MGRN1: variants seen among roughly 807,000 people sequenced by gnomAD.
The protein encoded by MGRN1 is E3 ubiquitin-protein ligase MGRN1.
Under a neutral mutation model 69.2 loss-of-function variants are expected in MGRN1, and 29 were observed. The ratio of observed to expected loss-of-function variants is 0.42; its 90% CI spans 0.31 to 0.57. MGRN1 has a LOEUF of 0.57. MGRN1 is among the 20% of genes least tolerant of loss of function. The pLI is 0.15. For missense variants in MGRN1, 998 were observed against 796.2 expected (o/e 1.25, Z -3.05); for synonymous variants, 470 against 344.2 (o/e 1.37, Z -4.04).
chr16:4,667,115 C>T (rs1184138322), intron 7 of MGRN1, among the ~76,000 whole-genome samples: 1 of 152,230 alleles, frequency 6.6e-6, no homozygotes, highest in Admixed American at 6.5e-5. Context: ...TGTGACAAGG[C>T]CCAGCCTGCC....
At chr16:4,679,722 C>T (rs1360094438) in intron 11 of MGRN1, among the ~76,000 whole-genome samples, 1 of 152,234 alleles carries the variant, frequency 6.6e-6, no homozygotes, top group African/African-American at 2.4e-5. Context: ...GCTGCCCTCA[C>T]GTCCACCTTG....
chr16:4,683,045 GC>G, intron 14 of MGRN1, 99 bp downstream of exon 14: 3 of 1,465,510 alleles, frequency 2.0e-6, no homozygotes, highest in Non-Finnish European at 2.7e-6. Context: ...CCGCCTGGGC[GC>G]CCCCGTGCTT....
At chr16:4,643,783 T>C (rs947940525) in intron 1 of MGRN1, among the ~76,000 whole-genome samples, 3 of 152,214 alleles carry the variant, frequency 2.0e-5, no homozygotes, top group African/African-American at 7.2e-5. Flanking sequence ...GTGTTTTGAA[T>C]GGCCATTACT....
At chr16:4,675,033 C>T (rs991597336) in intron 10 of MGRN1, among the ~76,000 whole-genome samples, 3 of 152,130 alleles carry the variant, frequency 2.0e-5, no homozygotes, top group Non-Finnish European at 4.4e-5. Flanking sequence ...AGTACAGTGG[C>T]AGGATCTTGG....
rs550356167 is a variant in MGRN1 at position 4,672,991 on chromosome 16, A to G, written c.796-507A>G. Among the ~76,000 whole-genome samples, 46 of 152,156 alleles carry G rather than the reference A, an allele frequency of 3.0e-4. No homozygotes were observed. In the East Asian group the frequency reaches 7.9e-3, roughly 26 times the overall value. ...GTAGCTGGAACTACAAGCACGTGCC[A>G]CCATGCCCGGCTAATTTTTTGTATT... On this transcript the variant is annotated intron_variant, in intron 9 of 16. Transcript: ENST00000262370.
intron 2 of MGRN1, among the ~76,000 whole-genome samples, chr16:4,651,518 G>A (rs938453004): frequency 3.5e-4 from 54 of 152,190 alleles, no homozygotes; most frequent in African/African-American, 1.3e-3. Context: ...AGAGGTGAGA[G>A]GGTGCAGGCC....
In MGRN1 at chr16:4,688,891, G is replaced by T. The variant is rs377648507; in HGVS notation, c.1714G>T (p.Glu572Ter). 20 of 1,548,952 alleles carry T rather than the reference G, an allele frequency of 1.3e-5. No homozygotes were observed. Among genetic ancestry groups the T allele is most frequent in the Non-Finnish European group, 1.7e-5 (20 of 1,145,296 alleles). ...GGPSPDPSAA[E>*]LTPL ...CCCCAGCCCCGATCCCAGCGCCGCC[G>T]AGCTGACCCCACTCTGAGAGCCTGG... Residue 572 changes from glutamate (E) to a stop codon, truncating the protein, a stop_gained, in exon 17 of 17, where the codon GAG becomes TAG. Coordinates refer to ENST00000262370, the MANE Select transcript of MGRN1 (RefSeq NM_015246.4). LOFTEE classifies it high-confidence loss of function.
intron 1 of MGRN1, among the ~76,000 whole-genome samples, chr16:4,636,245 C>G (rs1258379608): frequency 6.6e-6 from 1 of 152,108 alleles, no homozygotes; most frequent in Non-Finnish European, 1.5e-5. Flanking sequence ...CTGCCTCCCC[C>G]TTCTTCCCTG....
rs538513926 is a variant in MGRN1 at position 4,682,236 on chromosome 16, C to A, written c.1358+460C>A. Among the ~76,000 whole-genome samples the A allele has an allele frequency of 9.8e-5, 15 of 152,342 alleles. No homozygotes were observed. In the South Asian group the frequency reaches 2.9e-3, roughly 29 times the overall value. ...GCTCTTGCCGTTCGCCCGTGACGAGCCACGGGGCACGGTCCCTCTCCAGGC... is the reference window on the plus strand; with the variant it reads ...GCTCTTGCCGTTCGCCCGTGACGAGACACGGGGCACGGTCCCTCTCCAGGC... On this transcript the variant is annotated intron_variant, in intron 13 of 16. Transcript: ENST00000262370.
intron 1 of MGRN1, among the ~76,000 whole-genome samples, chr16:4,628,281 G>T (rs1397468037): frequency 2.0e-5 from 3 of 151,428 alleles, no homozygotes; most frequent in Non-Finnish European, 4.4e-5. Context: ...AGCCACTCGG[G>T]AGGCTGAGGC....
At chr16:4,680,219 A>C (rs1330780370) in intron 12 of MGRN1, 122 bp downstream of exon 12, 13 of 967,726 alleles carry the variant, frequency 1.3e-5, no homozygotes, top group Middle Eastern at 2.1e-4. Context: ...CGTCAGCTCC[A>C]CTTGCCCAGT....
At chr16:4,655,807 A>G (rs2078524016) in intron 4 of MGRN1, among the ~76,000 whole-genome samples, 1 of 152,242 alleles carries the variant, frequency 6.6e-6, no homozygotes, top group Non-Finnish European at 1.5e-5. Context: ...CTGCAGGGCA[A>G]GCCACCCTCC....
chr16:4,650,317 CAAAA>C (rs373572089), intron 1 of MGRN1, 44 bp from the exon 2 acceptor site: 863 of 1,216,928 alleles, frequency 7.1e-4, no homozygotes, highest in African/African-American at 6.4e-3. Context: ...GACTCTGTCT[CAAAA>C]AAAAAAAAAA....
chr16:4,672,227 A>G (rs541648170), intron 9 of MGRN1, among the ~76,000 whole-genome samples: 1 of 151,882 alleles, frequency 6.6e-6, no homozygotes, highest in East Asian at 1.9e-4. Flanking sequence ...TTGTATTTTT[A>G]GTAGAGATGG....
At chr16:4,659,795 C>T (rs1014736140) in intron 5 of MGRN1, among the ~76,000 whole-genome samples, 15 of 152,244 alleles carry the variant, frequency 9.9e-5, no homozygotes. Context: ...CAGAGACTTA[C>T]TGGTGTAGAT....
At chr16:4,672,744 G>C (rs952844680) in intron 9 of MGRN1, among the ~76,000 whole-genome samples, 17 of 152,232 alleles carry the variant, frequency 1.1e-4, no homozygotes, top group Admixed American at 7.9e-4. Context: ...ACCTGTTTTA[G>C]ATTTTTGGCT....
intron 1 of MGRN1, chr16:4,640,610 AGT>A (rs1156534983): frequency 1.3e-5 from 2 of 152,180 alleles, no homozygotes; most frequent in Non-Finnish European, 2.9e-5. Flanking sequence ...TGGGTCCTTG[AGT>A]GTGTTGGTTC....
At chr16:4,651,860 C>G (rs2078413638) in intron 2 of MGRN1, 103 bp from the exon 3 acceptor site, 1 of 1,035,952 alleles carries the variant, frequency 9.7e-7, no homozygotes. Context: ...GGGACTAGAT[C>G]CCAGGGATAC....
chr16:4,657,202 C>G (rs936021761), intron 4 of MGRN1, 44 bp from the exon 5 acceptor site: 5 of 1,582,060 alleles, frequency 3.2e-6, no homozygotes, highest in East Asian at 4.5e-5. Flanking sequence ...ACGGAGGGCC[C>G]TCTTCCTGCC....
Sources: gnomAD v4.1 joint callset for allele counts (sites outside exome capture counted in the v4.1 genomes callset) on GRCh38, gnomAD v4.1.1 for gene constraint, MANE v1.5 for transcripts, NCBI Gene and HGNC (gene_info 2026-07-23, HGNC 2026-07-21) for gene names.